Variants in MAML2 observed in about 807,000 individuals in gnomAD.
MAML2 encodes mastermind-like protein 2.
In MAML2, 22 loss-of-function variants were observed where a neutral mutation model predicts 96.1. That is an observed-to-expected ratio of 0.23 (90% confidence interval 0.16 to 0.33). The LOEUF (loss-of-function observed/expected upper bound fraction) is 0.33, where lower values mean the gene tolerates loss of function less well. MAML2 is among the 10% of genes least tolerant of loss of function. The pLI, the probability that MAML2 is intolerant of heterozygous loss-of-function variation, is 1.00. For synonymous variants in MAML2, 561 were observed against 521.3 expected (o/e 1.08, Z -1.04); for missense variants, 1,367 against 1,392.4 (o/e 0.98, Z 0.29).
chr11:96,155,509 A>AATATATATAT (rs56860340), intron 1 of MAML2, among the ~76,000 whole-genome samples: 1,575 of 74,262 alleles, frequency 0.021, 115 homozygotes, highest in African/African-American at 0.024. Context: ...TAACAATTCA[A>AATATATATAT]ATATATATAT....
At chr11:96,282,354 C>A (rs1377814030) in intron 1 of MAML2, among the ~76,000 whole-genome samples, 1 of 151,944 alleles carries the variant, frequency 6.6e-6, no homozygotes, top group Admixed American at 6.6e-5. Flanking sequence ...CAATGAAATT[C>A]TTTTAGCTCA....
At chr11:96,117,132 G>T (rs969047309) in intron 1 of MAML2, among the ~76,000 whole-genome samples, 4 of 152,066 alleles carry the variant, frequency 2.6e-5, no homozygotes, top group Non-Finnish European at 5.9e-5. Flanking sequence ...CAAGGGAAGT[G>T]AATCTACAGC....
intron 2 of MAML2, among the ~76,000 whole-genome samples, chr11:95,998,128 C>T (rs892477383): frequency 7.2e-6 from 1 of 138,892 alleles, no homozygotes; most frequent in Non-Finnish European, 1.5e-5. Flanking sequence ...ATCTATCTGT[C>T]TGTCTGTCTG....
chr11:96,115,472 G>T (rs1475755077), intron 1 of MAML2, among the ~76,000 whole-genome samples: 13 of 98,322 alleles, frequency 1.3e-4, no homozygotes, highest in Non-Finnish European at 2.1e-4. Context: ...ACACCTGGCG[G>T]ATTTTTTTTT....
intron 1 of MAML2, among the ~76,000 whole-genome samples, chr11:96,199,337 C>G (rs189492082): frequency 6.6e-6 from 1 of 151,972 alleles, no homozygotes; most frequent in Admixed American, 6.6e-5. Flanking sequence ...TGGGCAGAAC[C>G]GCAGAAGAGA....
At chr11:96,265,421 A>G (rs188608485) in intron 1 of MAML2, among the ~76,000 whole-genome samples, 120 of 152,308 alleles carry the variant, frequency 7.9e-4, no homozygotes, top group Non-Finnish European at 1.9e-4. Flanking sequence ...TTCAAAAGAG[A>G]AGGAACACAA....
At chr11:96,121,850 G>C (rs577374604) in intron 1 of MAML2, among the ~76,000 whole-genome samples, 22 of 129,126 alleles carry the variant, frequency 1.7e-4, no homozygotes, top group African/African-American at 6.2e-4. Flanking sequence ...GCAGTGGCGC[G>C]ATCTCGGCTC....
intron 1 of MAML2, among the ~76,000 whole-genome samples, chr11:96,156,740 T>A (rs1861016803): frequency 6.6e-6 from 1 of 152,204 alleles, no homozygotes; most frequent in Non-Finnish European, 1.5e-5. Context: ...CCAGAAGTAC[T>A]AAGATTAAAT....
chr11:96,331,879 TCTC>T (rs1863859202), intron 1 of MAML2, among the ~76,000 whole-genome samples: 1 of 151,874 alleles, frequency 6.6e-6, no homozygotes, highest in Non-Finnish European at 1.5e-5. Context: ...GTCTGTCTTC[TCTC>T]TAAGGGCTTA....
At position 96,238,437 on chromosome 11, in the gene MAML2, GA is replaced by G. The variant is rs1378695280; in HGVS notation, c.513+102945del. ...TCTGGAAATAATTTGTGAGACCAGA[GA>G]AAAAGAACCCAATTTTGAATGAAAT... On this transcript the variant is annotated intron_variant, in intron 1 of 4. Coordinates refer to ENST00000524717, the MANE Select transcript of MAML2 (RefSeq NM_032427.4). Among the ~76,000 whole-genome samples, 4 of 152,194 alleles carry G rather than the reference GA, an allele frequency of 2.6e-5. No homozygotes were observed. The East Asian group carries it at 7.7e-4, about 29-fold the overall frequency.
At chr11:96,272,954 G>A (rs1178650498) in intron 1 of MAML2, among the ~76,000 whole-genome samples, 3 of 152,168 alleles carry the variant, frequency 2.0e-5, no homozygotes, top group African/African-American at 4.8e-5. Flanking sequence ...TGTTTAGCAC[G>A]CAGTTGTAAG....
intron 2 of MAML2, among the ~76,000 whole-genome samples, chr11:95,996,669 C>A (rs1048969669): frequency 4.6e-5 from 7 of 152,152 alleles, no homozygotes; most frequent in Admixed American, 2.6e-4. Context: ...ACTGCTCTTG[C>A]ATTTTTTTGC....
intron 2 of MAML2, among the ~76,000 whole-genome samples, chr11:96,009,511 T>C (rs1590959680): frequency 7.3e-4 from 1 of 1,378 alleles, no homozygotes; most frequent in East Asian, 0.019. Flanking sequence ...ACTATATTTG[T>C]TATTTACAAA....
rs140190699 is a variant in MAML2, at chr11:96,081,307, T to C, written c.2139+10585A>G. Among the ~76,000 whole-genome samples, 635 of 152,302 alleles carry C rather than the reference T, an allele frequency of 4.2e-3. 3 individuals are homozygous for C. The highest frequency in any genetic ancestry group is 0.014 in the African/African-American group (588 of 41,558). On this transcript the variant is annotated intron_variant, in intron 2 of 4. Coordinates refer to ENST00000524717, the MANE Select transcript of MAML2 (RefSeq NM_032427.4). ...TAAAGCATAATATTCATTATGAATA[T>C]GAATATTTATAATATTCATATAAGA...
intron 2 of MAML2, among the ~76,000 whole-genome samples, chr11:96,048,116 C>T (rs897472007): frequency 2.0e-5 from 3 of 152,018 alleles, no homozygotes; most frequent in Non-Finnish European, 4.4e-5. Flanking sequence ...CCTCCATGCT[C>T]TGTTTGGACA....
intron 1 of MAML2, among the ~76,000 whole-genome samples, chr11:96,149,825 C>T (rs771779429): frequency 5.9e-5 from 9 of 152,212 alleles, no homozygotes; most frequent in East Asian, 3.9e-4. Context: ...TGTCTTCTCT[C>T]GGTCTCCTTC....
At chr11:96,298,069 T>TC (rs1863327474) in intron 1 of MAML2, among the ~76,000 whole-genome samples, 1 of 151,950 alleles carries the variant, frequency 6.6e-6, no homozygotes, top group South Asian at 2.1e-4. Context: ...CCCACTTCAT[T>TC]CCCCCCAATT....
rs1226473220 is a variant in MAML2, at chr11:95,978,618, T to G, written c.*330A>C. On this transcript the variant is annotated 3_prime_UTR_variant, in exon 5 of 5. Coordinates refer to ENST00000524717, the MANE Select transcript of MAML2 (RefSeq NM_032427.4). The stretch of plus-strand genomic sequence containing the variant: ...AAATAAACTACAAGTTCTATTACCT[T>G]TTTTATTTTCCAGGGAAAAAGAAAC... 1.1e-5 allele frequency: 3 copies of G among 284,234 alleles called. No homozygotes were observed. The highest frequency in any genetic ancestry group is 4.3e-5 in the African/African-American group (2 of 46,266). 17.6% of individuals were successfully genotyped at this position (284,234 alleles called of 1,614,324 possible).
At chr11:95,983,048 T>C (rs1278266340) in intron 4 of MAML2, among the ~76,000 whole-genome samples, 1 of 152,162 alleles carries the variant, frequency 6.6e-6, no homozygotes, top group Non-Finnish European at 1.5e-5. Context: ...CTTCTACTTA[T>C]ACAAAAAGTT....
Sources: allele counts gnomAD v4.1 joint callset (sites outside exome capture counted in the v4.1 genomes callset), GRCh38; gene constraint gnomAD v4.1.1; transcripts MANE v1.5; gene names NCBI Gene and HGNC (gene_info 2026-07-23, HGNC 2026-07-21).